DACH1: variants seen among roughly 807,000 people sequenced by gnomAD.
DACH1 encodes the protein dachshund family transcription factor 1.
DACH1 carries 12 observed loss-of-function variants against 54.2 expected under a neutral mutation model. The ratio of observed to expected loss-of-function variants is 0.22; its 90% CI spans 0.14 to 0.36. The LOEUF is 0.36. DACH1 is among the 10% of genes least tolerant of loss of function. The pLI, the probability that DACH1 is intolerant of heterozygous loss-of-function variation, is 1.00. For missense variants in DACH1, 805 were observed against 929.8 expected (o/e 0.87, Z 1.75); for synonymous variants, 386 against 366.2 (o/e 1.05, Z -0.62).
chr13:71,521,601 G>A (rs182778351), intron 6 of DACH1, among the ~76,000 whole-genome samples: 4 of 152,186 alleles, frequency 2.6e-5, no homozygotes, highest in Admixed American at 2.0e-4. Flanking sequence ...CCTCTAAGCA[G>A]ATGTCCAACA....
At chr13:71,496,166 G>C (rs190303350) in intron 6 of DACH1, among the ~76,000 whole-genome samples, 6 of 150,366 alleles carry the variant, frequency 4.0e-5, no homozygotes, top group Admixed American at 2.7e-4. Flanking sequence ...TGAACCTAGG[G>C]GGCAGAGGTT....
intron 2 of DACH1, among the ~76,000 whole-genome samples, chr13:71,640,963 T>C (rs1031663228): frequency 1.3e-5 from 2 of 152,104 alleles, no homozygotes; most frequent in Non-Finnish European, 2.9e-5. Context: ...CTAAATCCAT[T>C]TCTACCTCAA....
Position 71,440,705 on chromosome 13 carries a change from A to C in DACH1, c.2084-13T>G, listed in dbSNP as rs1275208818. 6.3e-7 allele frequency: 1 copy of C among 1,592,096 alleles called. No homozygotes were observed. On this transcript the variant is annotated splice_polypyrimidine_tract_variant and intron_variant, in intron 10 of 10. Coordinates refer to ENST00000613252, the MANE Select transcript of DACH1 (RefSeq NM_080759.6). The stretch of plus-strand genomic sequence containing the variant: ...TACAGTCTTCCATCTAGAAATGAAC[A>C]GTGAAAAATTAATTAATGGCATGGT...
intron 1 of DACH1, among the ~76,000 whole-genome samples, chr13:71,783,363 C>T (rs1467561758): frequency 1.3e-5 from 2 of 152,038 alleles, no homozygotes; most frequent in Admixed American, 6.6e-5. Context: ...ACTTAATATT[C>T]CTACAGAAAA....
At chr13:71,474,779 C>G (rs1176136930) in intron 10 of DACH1, among the ~76,000 whole-genome samples, 1 of 152,116 alleles carries the variant, frequency 6.6e-6, no homozygotes, top group Non-Finnish European at 1.5e-5. Flanking sequence ...GTAAGAACTA[C>G]CTATTTGATT....
At chr13:71,822,575 G>T (rs372018678) in intron 1 of DACH1, among the ~76,000 whole-genome samples, 1 of 152,066 alleles carries the variant, frequency 6.6e-6, no homozygotes, top group African/African-American at 2.4e-5. Context: ...CTCGATTAGC[G>T]TTAATTTTCC....
intron 1 of DACH1, among the ~76,000 whole-genome samples, chr13:71,793,368 A>G (rs568032893): frequency 4.6e-5 from 7 of 152,302 alleles, no homozygotes; most frequent in East Asian, 1.9e-4. Context: ...GCGACTTTCA[A>G]AATGGAAGAA....
At chr13:71,735,597 C>T (rs61958973) in intron 1 of DACH1, among the ~76,000 whole-genome samples, 52 of 98,162 alleles carry the variant, frequency 5.3e-4, no homozygotes, top group African/African-American at 2.0e-3. Flanking sequence ...ATGGGATATA[C>T]GTATATGGGA....
intron 1 of DACH1, among the ~76,000 whole-genome samples, chr13:71,836,312 G>A (rs1283235303): frequency 6.6e-6 from 1 of 151,982 alleles, no homozygotes; most frequent in Non-Finnish European, 1.5e-5. Flanking sequence ...TGTTTATTGA[G>A]TGGTTATTAT....
intron 4 of DACH1, among the ~76,000 whole-genome samples, chr13:71,568,372 T>C (rs1031690326): frequency 6.6e-6 from 1 of 152,014 alleles, no homozygotes; most frequent in African/African-American, 2.4e-5. Flanking sequence ...CTAGTGTCTC[T>C]TCATTGCACA....
At chr13:71,773,975 TAAA>T (rs560299450) in intron 1 of DACH1, among the ~76,000 whole-genome samples, 89 of 142,398 alleles carry the variant, frequency 6.3e-4, no homozygotes, top group Non-Finnish European at 8.5e-4. Flanking sequence ...ATTGCCTGTT[TAAA>T]AAAAAAAAAA....
At chr13:71,507,229 C>T (rs1248797863) in intron 6 of DACH1, among the ~76,000 whole-genome samples, 4 of 152,070 alleles carry the variant, frequency 2.6e-5, no homozygotes, top group Admixed American at 2.0e-4. Context: ...AGTGTTTCTT[C>T]CTTTAAGCTG....
chr13:71,709,118 G>C (rs1224136497), intron 1 of DACH1, among the ~76,000 whole-genome samples: 1 of 151,992 alleles, frequency 6.6e-6, no homozygotes, highest in Non-Finnish European at 1.5e-5. Context: ...CTCCCAAAGT[G>C]CTGGGATTAC....
At chr13:71,593,357 TC>T (rs1873867672) in intron 3 of DACH1, among the ~76,000 whole-genome samples, 1 of 152,164 alleles carries the variant, frequency 6.6e-6, no homozygotes, top group South Asian at 2.1e-4. Context: ...TTTATGATCA[TC>T]TGAAAGCTTT....
At chr13:71,465,162 A>T (rs1264197187) in intron 10 of DACH1, among the ~76,000 whole-genome samples, 1 of 152,106 alleles carries the variant, frequency 6.6e-6, no homozygotes, top group East Asian at 1.9e-4. Context: ...TTTCTAAAGA[A>T]GAATTTATAT....
intron 1 of DACH1, among the ~76,000 whole-genome samples, chr13:71,748,212 G>C (rs1019103605): frequency 9.9e-5 from 15 of 151,906 alleles, no homozygotes; most frequent in African/African-American, 3.1e-4. Context: ...CAATGTTGAG[G>C]GGGGGAAAGC....
chr13:71,593,199 A>G (rs1209505212), intron 3 of DACH1, among the ~76,000 whole-genome samples: 1 of 152,142 alleles, frequency 6.6e-6, no homozygotes, highest in Non-Finnish European at 1.5e-5. Context: ...AAAGAGAGGA[A>G]CATCCTTTTA....
intron 6 of DACH1, among the ~76,000 whole-genome samples, chr13:71,511,748 T>A (rs1291440320): frequency 6.6e-6 from 1 of 152,114 alleles, no homozygotes; most frequent in East Asian, 1.9e-4. Flanking sequence ...AATGATTACC[T>A]TTCTTTTCCT....
rs548095792 is a variant in DACH1, at chr13:71,521,885, C to T, written c.1571-32737G>A. ...ACTAATAATAATGAAAACTATTCAACTTTAACAATATATGCTAAAACTTCG... is the reference window on the plus strand; with the variant it reads ...ACTAATAATAATGAAAACTATTCAATTTTAACAATATATGCTAAAACTTCG... On this transcript the variant is annotated intron_variant, in intron 6 of 10. Transcript: ENST00000613252. Among the ~76,000 whole-genome samples the T allele has an allele frequency of 3.3e-5, 5 of 152,098 alleles. No individual in the cohort carries two copies. The South Asian group carries it at 1.0e-3, about 32-fold the overall frequency.
Sources: gnomAD v4.1 joint callset for allele counts (sites outside exome capture counted in the v4.1 genomes callset) on GRCh38, gnomAD v4.1.1 for gene constraint, MANE v1.5 for transcripts, NCBI Gene and HGNC (gene_info 2026-07-23, HGNC 2026-07-21) for gene names.